The following DLG2 variants were observed in gnomAD, a reference collection of about 807,000 sequenced individuals.
DLG2 encodes discs large MAGUK scaffold protein 2, also known as disks large homolog 2.
A neutral mutation model predicts 132.5 loss-of-function variants in DLG2; 45 were observed. That is an observed-to-expected ratio of 0.34 (90% CI 0.27 to 0.44). DLG2 has a LOEUF of 0.44. DLG2 is among the 20% of genes least tolerant of loss of function. The pLI, the probability that DLG2 is intolerant of heterozygous loss-of-function variation, is 1.00. For missense variants in DLG2, 1,045 were observed against 1,196.9 expected, an observed-to-expected ratio of 0.87 and a Z score of 1.87; for synonymous variants, 424 against 419.6, an observed-to-expected ratio of 1.01 and a Z score of -0.13.
At chr11:83,621,448 G>T (rs1291973581) in intron 19 of DLG2, among the ~76,000 whole-genome samples, 4 of 152,054 alleles carry the variant, frequency 2.6e-5, no homozygotes, top group African/African-American at 9.7e-5. Flanking sequence ...AGGGCCAAGA[G>T]GCAGAAACTT....
chr11:85,133,455 T>G (rs770454105), intron 5 of DLG2, among the ~76,000 whole-genome samples: 14 of 152,190 alleles, frequency 9.2e-5, no homozygotes, highest in Non-Finnish European at 1.5e-4. Context: ...TCAACTCACT[T>G]GCAATTACAA....
chr11:84,486,634 T>C (rs1370030393), intron 7 of DLG2, among the ~76,000 whole-genome samples: 5 of 152,146 alleles, frequency 3.3e-5, no homozygotes, highest in African/African-American at 7.2e-5. Context: ...GAAAAGAAGG[T>C]GAAAAGTCTT....
chr11:84,560,294 G>C (rs1244639586), intron 6 of DLG2, among the ~76,000 whole-genome samples: 1 of 152,006 alleles, frequency 6.6e-6, no homozygotes, highest in Non-Finnish European at 1.5e-5. Context: ...AGTGTGCTAG[G>C]CACTATCAAT....
chr11:85,233,139 G>A (rs1026536879), intron 4 of DLG2, among the ~76,000 whole-genome samples: 1 of 151,596 alleles, frequency 6.6e-6, no homozygotes, highest in Non-Finnish European at 1.5e-5. Context: ...TTTCTGCATG[G>A]GAATTCCTTT....
chr11:84,460,148 T>C (rs1293051313), intron 7 of DLG2, among the ~76,000 whole-genome samples: 1 of 150,676 alleles, frequency 6.6e-6, no homozygotes, highest in Non-Finnish European at 1.5e-5. Context: ...CTTCAGATTC[T>C]ATGTTTTATG....
At chr11:83,989,305 T>A (rs2093564547) in intron 11 of DLG2, among the ~76,000 whole-genome samples, 1 of 152,288 alleles carries the variant, frequency 6.6e-6, no homozygotes, top group East Asian at 1.9e-4. Context: ...ACTTTCTGAT[T>A]CTTTCGTCTT....
At chr11:84,814,154 A>G (rs2076854951) in intron 6 of DLG2, among the ~76,000 whole-genome samples, 1 of 152,088 alleles carries the variant, frequency 6.6e-6, no homozygotes, top group African/African-American at 2.4e-5. Flanking sequence ...GACTCCCCTC[A>G]AAGAAAGTTT....
Position 85,314,979 on chromosome 11 carries a change from G to A in DLG2, c.41-29614C>T, listed in dbSNP as rs139036569. ...ACAGGCTCTGTGTCATTTCATCTAAGCCTGGAAAGTGAGAGGCAACTCAGG... is the reference window on the plus strand; with the variant it reads ...ACAGGCTCTGTGTCATTTCATCTAAACCTGGAAAGTGAGAGGCAACTCAGG... On this transcript the variant is annotated intron_variant, in intron 3 of 27. Coordinates refer to ENST00000376104, the MANE Select transcript of DLG2 (RefSeq NM_001142699.3). 9.9e-5 allele frequency among the ~76,000 whole-genome samples: 15 copies of A among 152,074 alleles called. No individual in the cohort carries two copies. The East Asian group carries it at 2.7e-3, about 27-fold the overall frequency.
intron 8 of DLG2, among the ~76,000 whole-genome samples, chr11:84,244,196 T>G (rs78028603): frequency 6.6e-6 from 1 of 152,078 alleles, no homozygotes; most frequent in East Asian, 1.9e-4. Context: ...CTTTTTTTTT[T>G]CCCTGAGGTG....
At chr11:85,408,756 A>G (rs1052194565) in intron 3 of DLG2, among the ~76,000 whole-genome samples, 1 of 151,690 alleles carries the variant, frequency 6.6e-6, no homozygotes, top group Non-Finnish European at 1.5e-5. Flanking sequence ...ATAGTATTCC[A>G]TGGTGTATGT....
intron 9 of DLG2, among the ~76,000 whole-genome samples, chr11:84,139,859 T>C (rs2094766526): frequency 6.6e-6 from 1 of 152,204 alleles, no homozygotes; most frequent in African/African-American, 2.4e-5. Flanking sequence ...GCTAAAGAGT[T>C]CTCACTGGAA....
At chr11:84,891,987 T>G (rs1427367752) in intron 6 of DLG2, among the ~76,000 whole-genome samples, 1 of 152,192 alleles carries the variant, frequency 6.6e-6, no homozygotes, top group Non-Finnish European at 1.5e-5. Context: ...AATTTTATAT[T>G]TATATGGTAA....
At chr11:84,912,043 T>C (rs1037880426) in intron 6 of DLG2, among the ~76,000 whole-genome samples, 23 of 152,312 alleles carry the variant, frequency 1.5e-4, no homozygotes, top group African/African-American at 4.6e-4. Flanking sequence ...ATCCAAAGTA[T>C]ACCATAAGGA....
intron 10 of DLG2, among the ~76,000 whole-genome samples, chr11:84,087,342 A>G (rs2097003566): frequency 1.3e-5 from 2 of 152,130 alleles, no homozygotes; most frequent in African/African-American, 2.4e-5. Context: ...TATTATAGCC[A>G]TTCTTGTGGG....
At chr11:84,683,507 G>A (rs2099735348) in intron 6 of DLG2, among the ~76,000 whole-genome samples, 1 of 152,152 alleles carries the variant, frequency 6.6e-6, no homozygotes, top group African/African-American at 2.4e-5. Context: ...GTTTTCAGAA[G>A]AAACAACTGC....
At chr11:84,625,785 C>T (rs1165309342) in intron 6 of DLG2, among the ~76,000 whole-genome samples, 1 of 152,024 alleles carries the variant, frequency 6.6e-6, no homozygotes, top group African/African-American at 2.4e-5. Context: ...TCATGATGGG[C>T]CAGACTATAG....
chr11:84,377,352 C>T (rs537756452), intron 7 of DLG2, among the ~76,000 whole-genome samples: 1 of 151,840 alleles, frequency 6.6e-6, no homozygotes, highest in African/African-American at 2.4e-5. Flanking sequence ...AAAGCACCAC[C>T]ACCATGAAAG....
chr11:85,569,106 A>G (rs1326847514), intron 3 of DLG2, among the ~76,000 whole-genome samples: 5 of 152,148 alleles, frequency 3.3e-5, no homozygotes, highest in Non-Finnish European at 7.3e-5. Flanking sequence ...ATCTCAGCTC[A>G]CTGCAACCTC....
intron 6 of DLG2, among the ~76,000 whole-genome samples, chr11:84,650,373 G>A (rs1481887212): frequency 6.6e-6 from 1 of 152,170 alleles, no homozygotes; most frequent in Non-Finnish European, 1.5e-5. Context: ...AGATGTGGGA[G>A]TTTTGGCCTG....
Sources: allele counts gnomAD v4.1 joint callset (sites outside exome capture counted in the v4.1 genomes callset), GRCh38; gene constraint gnomAD v4.1.1; transcripts MANE v1.5; gene names NCBI Gene and HGNC (gene_info 2026-07-23, HGNC 2026-07-21).